RNPEPL1: variants seen among roughly 807,000 people sequenced by gnomAD.
The protein encoded by RNPEPL1 is arginyl aminopeptidase like 1, also known as aminopeptidase RNPEPL1.
A neutral mutation model predicts 69.0 loss-of-function variants in RNPEPL1; 46 were observed. That is an observed-to-expected ratio of 0.67 (90% confidence interval 0.53 to 0.85). The LOEUF (loss-of-function observed/expected upper bound fraction) is 0.85. RNPEPL1 is among the 40% of genes least tolerant of loss of function. The pLI is 0.00. For synonymous variants in RNPEPL1, 525 were observed against 454.1 expected (o/e 1.16, Z -1.98); for missense variants, 869 against 992.5 (o/e 0.88, Z 1.67).
In RNPEPL1 at chr2:240,568,899, G is replaced by A; in HGVS notation, c.313G>A (p.Ala105Thr). The A allele has an allele frequency of 7.9e-7, 1 of 1,270,544 alleles. No individual in the cohort carries two copies. The highest frequency in any genetic ancestry group is 2.5e-5 in the South Asian group (1 of 40,722). The allele number at this position is 1,270,544 out of a possible 1,614,324, so 78.7% of individuals were successfully genotyped here. ...AAAAETPCAFAFSAPGPGPAP... is the reference protein window; with the variant it reads ...AAAAETPCAFTFSAPGPGPAP... The stretch of plus-strand genomic sequence containing the variant: ...CGCCGCCGAGACGCCCTGCGCCTTC[G>A]CCTTCTCCGCCCCCGGGCCGGGGCC... The change falls in exon 1 of 11, where the codon GCC becomes ACC. Residue 105 changes from alanine to threonine, a missense_variant. Ala to Thr is a moderately conservative substitution (Grantham distance 58). Around this residue, in one of 2 missense-constraint regions of RNPEPL1, gnomAD observed 259 missense variants for 201.5 expected, o/e 1.29. Transcript: ENST00000270357. This position sits in a 1 kb window ranked among gnomAD's most constrained non-coding sequence, Gnocchi z 6.2.
intron 8 of RNPEPL1, chr2:240,576,141 A>C: frequency 6.9e-6 from 2 of 289,304 alleles, no homozygotes; most frequent in East Asian, 7.9e-5. Flanking sequence ...TGGGTAGGGA[A>C]TGGGCACTGC....
chr2:240,577,890 T>C lies in RNPEPL1; in HGVS notation c.2176T>C (p.Ter726GlnextTer24). 1 of 1,502,892 alleles carries C rather than the reference T, an allele frequency of 6.7e-7. No individual in the cohort carries two copies. The highest frequency in any genetic ancestry group is 8.9e-7 in the Non-Finnish European group (1 of 1,119,322). The allele number at this position is 1,502,892 out of a possible 1,614,324, so 93.1% of individuals were successfully genotyped here. Reference sequence around the variant, plus strand: ...TCTCAGGGACGTCAATGTGTCTGCCTAGCCCTGTTGGCGGGCTGACCCTCG... The same window carrying C: ...TCTCAGGGACGTCAATGTGTCTGCCCAGCCCTGTTGGCGGGCTGACCCTCG... ...ISLRDVNVSA[*>Q] Residue 726 changes from the stop codon to glutamine (Q), a stop_lost, in exon 11 of 11, where the codon TAG becomes CAG. Coordinates refer to ENST00000270357, the MANE Select transcript of RNPEPL1 (RefSeq NM_018226.6).
In RNPEPL1 at chr2:240,580,100, C is replaced by G. The variant is rs2093048753; in HGVS notation, c.*2208C>G. On this transcript the variant is annotated 3_prime_UTR_variant, in exon 11 of 11. Coordinates refer to ENST00000270357, the MANE Select transcript of RNPEPL1 (RefSeq NM_018226.6). ...GCTCTGTGCCCGCCCGTGGGGTACA[C>G]AGGAGGGCTCTTTCAGCCCTAAGTC... 6.6e-6 allele frequency: 1 copy of G among 152,266 alleles called. No individual in the cohort carries two copies. The highest frequency in any genetic ancestry group is 2.4e-5 in the African/African-American group (1 of 41,458). The allele number at this position is 152,266 out of a possible 1,614,324, so 9.4% of individuals were successfully genotyped here.
rs545269499 is a variant in RNPEPL1 at position 240,572,245 on chromosome 2, C to T, written c.529-178C>T. Reference sequence around the variant, plus strand: ...CCTGGGTCACCTGCCCTGGATGTCTCCCTGCCCAGGCAGGCAAGTGAAGGC... The same window carrying T: ...CCTGGGTCACCTGCCCTGGATGTCTTCCTGCCCAGGCAGGCAAGTGAAGGC... On this transcript the variant is annotated intron_variant, in intron 1 of 10. Transcript: ENST00000270357. Among the ~76,000 whole-genome samples the T allele has an allele frequency of 4.6e-3, 706 of 152,344 alleles. 5 individuals are homozygous for T. The highest frequency in any genetic ancestry group is 8.1e-3 in the Non-Finnish European group (549 of 68,036).
rs1012986619 is a variant in RNPEPL1 at position 240,573,780 on chromosome 2, G to A, written c.827G>A (p.Arg276His). The A allele has an allele frequency of 1.2e-5, 19 of 1,539,172 alleles. No homozygotes were observed. The highest frequency in any genetic ancestry group is 4.0e-5 in the Admixed American group (2 of 50,272). The change falls in exon 4 of 11, where the codon CGC becomes CAC. Residue 276 changes from arginine to histidine, a missense_variant. Around this residue, in one of 2 missense-constraint regions of RNPEPL1, gnomAD observed 610 missense variants for 790.9 expected, o/e 0.77. Transcript: ENST00000270357. ...ACCCTCTCTGCATGCACCAGGAGCCGCGTGTGGGCCGAGCCATGCCTCCTG... is the reference window on the plus strand; with the variant it reads ...ACCCTCTCTGCATGCACCAGGAGCCACGTGTGGGCCGAGCCATGCCTCCTG... Reference protein sequence around the residue: ...LKPADIGPRSRVWAEPCLLPT... With the variant: ...LKPADIGPRSHVWAEPCLLPT...
At position 240,578,267 on chromosome 2, in the gene RNPEPL1, G is replaced by A. The variant is rs1016399486; in HGVS notation, c.*375G>A. The stretch of plus-strand genomic sequence containing the variant: ...GCCACACTGTGCCTTAATGTCTGCC[G>A]GGGGCCCAGGCTGTGCTGTCCCTGC... On this transcript the variant is annotated 3_prime_UTR_variant, in exon 11 of 11. Coordinates refer to ENST00000270357, the MANE Select transcript of RNPEPL1 (RefSeq NM_018226.6). The A allele has an allele frequency of 2.2e-5, 4 of 180,548 alleles. No homozygotes were observed. Among genetic ancestry groups the A allele is most frequent in the Non-Finnish European group, 4.6e-5 (4 of 86,930 alleles). 11.2% of individuals were successfully genotyped at this position (180,548 alleles called of 1,614,324 possible). A position where few individuals can be genotyped will look rare whatever the true frequency, so the allele number is the denominator to read the frequency against.
Position 240,569,102 on chromosome 2 carries a change from C to A in RNPEPL1, c.516C>A (p.Thr172=). The A allele has an allele frequency of 1.3e-6, 2 of 1,496,196 alleles. No homozygotes were observed. Among genetic ancestry groups the A allele is most frequent in the Non-Finnish European group, 1.8e-6 (2 of 1,129,090 alleles). The allele number at this position is 1,496,196 out of a possible 1,614,324, so 92.7% of individuals were successfully genotyped here. ...PFQVILRYTS[T]DAPAIWWLDP... ...AGGTCATCCTGCGGTACACCTCGAC[C>A]GACGCCCCCGCCGTGAGTCCGGGGC... The change falls in exon 1 of 11, where the codon ACC becomes ACA. Residue 172 remains threonine (T), a synonymous_variant. Coordinates refer to ENST00000270357, the MANE Select transcript of RNPEPL1 (RefSeq NM_018226.6).
intron 1 of RNPEPL1, among the ~76,000 whole-genome samples, chr2:240,569,693 C>CA (rs1432627697): frequency 2.6e-5 from 4 of 152,246 alleles, no homozygotes; most frequent in African/African-American, 9.6e-5. Context: ...GTGGCTGCAG[C>CA]ACCCCCTCCA....
Position 240,572,637 on chromosome 2 carries a change from C to G in RNPEPL1, c.669+74C>G, listed in dbSNP as rs538328581. 9.3e-6 allele frequency: 14 copies of G among 1,505,850 alleles called. No individual in the cohort carries two copies. In the African/African-American group the frequency reaches 1.2e-4, roughly 13 times the overall value. The allele number at this position is 1,505,850 out of a possible 1,614,324, so 93.3% of individuals were successfully genotyped here. On this transcript the variant is annotated intron_variant, in intron 2 of 10. Coordinates refer to ENST00000270357, the MANE Select transcript of RNPEPL1 (RefSeq NM_018226.6). Reference sequence around the variant, plus strand: ...GCCTGGCCACGCCGCCTCCCCCTTGCTCCTACCTGCCTGGGCTGTGGCCCC... The same window carrying G: ...GCCTGGCCACGCCGCCTCCCCCTTGGTCCTACCTGCCTGGGCTGTGGCCCC...
At chr2:240,571,544 G>A (rs989696528) in intron 1 of RNPEPL1, among the ~76,000 whole-genome samples, 4 of 152,064 alleles carry the variant, frequency 2.6e-5, no homozygotes, top group Non-Finnish European at 5.9e-5. Flanking sequence ...CACTGGAGAG[G>A]TCAGAATTCC....
In RNPEPL1 at chr2:240,575,516, G is replaced by C. The variant is rs2125450253; in HGVS notation, c.1416G>C (p.Lys472Asn). ...FDDFLRAYVEKYKFTSVVAQD... is the reference protein window; with the variant it reads ...FDDFLRAYVENYKFTSVVAQD... ...CTGCCACACAGGCCTATGTGGAGAA[G>C]TACAAGTTCACCAGCGTGGTGGCCC... Residue 472 changes from lysine to asparagine, a missense_variant, in exon 8 of 11, where the codon AAG becomes AAC. Lys to Asn is a moderately conservative substitution (Grantham distance 94). Around this residue, in one of 2 missense-constraint regions of RNPEPL1, gnomAD observed 610 missense variants for 790.9 expected, o/e 0.77. Transcript: ENST00000270357. 6.2e-7 allele frequency: 1 copy of C among 1,613,448 alleles called. No individual in the cohort carries two copies. The highest frequency in any genetic ancestry group is 8.5e-7 in the Non-Finnish European group (1 of 1,179,924).
intron 1 of RNPEPL1, among the ~76,000 whole-genome samples, chr2:240,569,383 C>T (rs2093014798): frequency 6.6e-6 from 1 of 152,244 alleles, no homozygotes. Context: ...CAGCTTCTGT[C>T]ACCCACCGAG....
Position 240,577,775 on chromosome 2 carries a change from C to T in RNPEPL1, c.2061C>T (p.Pro687=). The change falls in exon 11 of 11, where the codon CCC becomes CCT. Residue 687 remains proline (P), a synonymous_variant. Transcript: ENST00000270357. ...CCAGCACAGAGCCCGCCTCAGAGCC[C>T]AGCACGGAGCTGGGCAAGGCTGAAG... ...LGSSTEPASE[P]STELGKAEAD... The T allele has an allele frequency of 1.9e-6, 3 of 1,611,790 alleles. No individual in the cohort carries two copies. Among genetic ancestry groups the T allele is most frequent in the Non-Finnish European group, 2.5e-6 (3 of 1,179,246 alleles).
chr2:240,575,687 C>T (rs1171839799), intron 8 of RNPEPL1, 77 bp downstream of exon 8: 11 of 1,124,314 alleles, frequency 9.8e-6, no homozygotes, highest in Non-Finnish European at 1.1e-5. Context: ...CCTGAGGGGC[C>T]ACTCCACCTG....
rs561367880 is a variant in RNPEPL1 at position 240,580,832 on chromosome 2, A to T, written c.*2940A>T. The T allele has an allele frequency of 1.3e-5, 2 of 152,378 alleles. No individual in the cohort carries two copies. The highest frequency in any genetic ancestry group is 6.5e-5 in the Admixed American group (1 of 15,302). The allele number at this position is 152,378 out of a possible 1,614,324, so 9.4% of individuals were successfully genotyped here. ...TGTTCAAAAAGGGAAAAGAAGCGTG[A>T]TGAAAGACTGGTTTCTACAGAGATA... On this transcript the variant is annotated 3_prime_UTR_variant, in exon 11 of 11. Transcript: ENST00000270357.
chr2:240,570,642 T>C (rs1019889902), intron 1 of RNPEPL1, among the ~76,000 whole-genome samples: 1 of 152,154 alleles, frequency 6.6e-6, no homozygotes, highest in African/African-American at 2.4e-5. Context: ...CAGAGGCTTT[T>C]TGGAGGTGCT....
chr2:240,577,460 G>C (rs2093040941), intron 10 of RNPEPL1, 139 bp from the exon 11 acceptor site: 1 of 947,646 alleles, frequency 1.1e-6, no homozygotes, highest in Admixed American at 2.7e-5. Flanking sequence ...AGGCCTCCTG[G>C]CCACCGGAGT....
In RNPEPL1 at chr2:240,578,087, C is replaced by A; in HGVS notation, c.*195C>A. 1 of 492,204 alleles carries A rather than the reference C, an allele frequency of 2.0e-6. No homozygotes were observed. The highest frequency in any genetic ancestry group is 3.5e-6 in the Non-Finnish European group (1 of 288,276). The allele number at this position is 492,204 out of a possible 1,614,324, so 30.5% of individuals were successfully genotyped here. On this transcript the variant is annotated 3_prime_UTR_variant, in exon 11 of 11. Transcript: ENST00000270357. ...TCTGGCAGAGACCTGTGGACCTGGC[C>A]TCCCCACTCCCAGCTCTCTTGCACT...
At position 240,576,790 on chromosome 2, in the gene RNPEPL1, C is replaced by A. The variant is rs565334111; in HGVS notation, c.1741+25C>A. ...GGTGAGTCCCTGCAGCTGATGGGGGCGGCCCAGGGGCTGGGGTGCAACAGC... is the reference window on the plus strand; with the variant it reads ...GGTGAGTCCCTGCAGCTGATGGGGGAGGCCCAGGGGCTGGGGTGCAACAGC... On this transcript the variant is annotated intron_variant, in intron 9 of 10. Transcript: ENST00000270357. 3.1e-6 allele frequency: 5 copies of A among 1,612,382 alleles called. No homozygotes were observed. In the South Asian group the frequency reaches 5.5e-5, roughly 18 times the overall value.
Sources: allele counts gnomAD v4.1 joint callset (sites outside exome capture counted in the v4.1 genomes callset), GRCh38; gene constraint gnomAD v4.1.1; regional missense constraint gnomAD v4.1.1; non-coding constraint Gnocchi (gnomAD v3.1); transcripts MANE v1.5; gene names NCBI Gene and HGNC (gene_info 2026-07-23, HGNC 2026-07-21).